Variants in SH3GL3 observed in about 807,000 individuals in gnomAD.
The protein encoded by SH3GL3 is endophilin-A3.
SH3GL3 carries 33 observed loss-of-function variants against 47.7 expected under a neutral mutation model. That is an observed-to-expected ratio of 0.69 (90% CI 0.52 to 0.92). The LOEUF is 0.92. Among genes scored for constraint, SH3GL3 ranks in the 40% least tolerant of loss-of-function variants. The pLI is 0.00. For synonymous variants in SH3GL3, 155 were observed against 148.8 expected (o/e 1.04, Z -0.30); for missense variants, 363 against 417.8 (o/e 0.87, Z 1.14).
rs556339318 is a variant in SH3GL3 at position 83,565,369 on chromosome 15, C to T, written c.187+163C>T. 221 of 618,780 alleles carry T rather than the reference C, an allele frequency of 3.6e-4. 1 individual carries two copies. The highest frequency in any genetic ancestry group is 1.1e-3 in the Middle Eastern group (4 of 3,612). The allele number at this position is 618,780 out of a possible 1,614,324, so 38.3% of individuals were successfully genotyped here. A position where few individuals can be genotyped will look rare whatever the true frequency, so the allele number is the denominator to read the frequency against. On this transcript the variant is annotated intron_variant, in intron 3 of 8. Transcript: ENST00000427482. The stretch of plus-strand genomic sequence containing the variant: ...TCCAGTGACCAAAGGTAGTTGCATT[C>T]GGTCCTACTGATGAGAAAGAGAACA...
chr15:83,586,424 G>A (rs886854275), intron 6 of SH3GL3, among the ~76,000 whole-genome samples: 1 of 152,206 alleles, frequency 6.6e-6, no homozygotes, highest in East Asian at 1.9e-4. Context: ...ATGTTTCAGG[G>A]AAAATATGTT....
intron 8 of SH3GL3, among the ~76,000 whole-genome samples, chr15:83,595,665 C>T (rs998835589): frequency 3.3e-5 from 5 of 149,256 alleles, no homozygotes; most frequent in African/African-American, 7.4e-5. Flanking sequence ...ATAAATTCAA[C>T]GTCTTTATAG....
At chr15:83,553,255 C>T (rs868344504) in intron 1 of SH3GL3, among the ~76,000 whole-genome samples, 38 of 152,322 alleles carry the variant, frequency 2.5e-4, no homozygotes, top group Middle Eastern at 6.8e-3. Context: ...TCTGATATTA[C>T]TGCTGCAGGC....
At chr15:83,456,781 C>A (rs1394420536) in intron 1 of SH3GL3, among the ~76,000 whole-genome samples, 1 of 151,886 alleles carries the variant, frequency 6.6e-6, no homozygotes, top group Non-Finnish European at 1.5e-5. Context: ...GCGTCGCTCA[C>A]GCTGGGAGCT....
intron 1 of SH3GL3, among the ~76,000 whole-genome samples, chr15:83,469,173 A>C (rs1445208422): frequency 6.6e-6 from 1 of 152,114 alleles, no homozygotes; most frequent in Admixed American, 6.6e-5. Context: ...CTATAGTAAT[A>C]TCTCATCTTT....
intron 1 of SH3GL3, among the ~76,000 whole-genome samples, chr15:83,543,768 T>G (rs1161597755): frequency 6.6e-6 from 1 of 152,122 alleles, no homozygotes; most frequent in Non-Finnish European, 1.5e-5. Context: ...TCTAGGAATT[T>G]ATCTGTTTCT....
At chr15:83,552,280 T>A (rs547221534) in intron 1 of SH3GL3, among the ~76,000 whole-genome samples, 1 of 152,356 alleles carries the variant, frequency 6.6e-6, no homozygotes, top group South Asian at 2.1e-4. Context: ...CTTTGAAATG[T>A]ATTTAAGGTT....
chr15:83,576,073 C>T (rs771403644), intron 5 of SH3GL3, among the ~76,000 whole-genome samples: 1 of 152,132 alleles, frequency 6.6e-6, no homozygotes, highest in South Asian at 2.1e-4. Context: ...TCATTAACAG[C>T]GTTTTACGCA....
intron 7 of SH3GL3, among the ~76,000 whole-genome samples, chr15:83,588,158 A>G (rs2060001048): frequency 6.6e-6 from 1 of 152,202 alleles, no homozygotes; most frequent in African/African-American, 2.4e-5. Context: ...TCTGTTGCCC[A>G]GGCTGGAGTG....
chr15:83,531,939 T>G (rs2043693160), intron 1 of SH3GL3, among the ~76,000 whole-genome samples: 1 of 152,114 alleles, frequency 6.6e-6, no homozygotes, highest in African/African-American at 2.4e-5. Flanking sequence ...CTCTGAAGGT[T>G]TTTATTTGGA....
intron 1 of SH3GL3, among the ~76,000 whole-genome samples, chr15:83,510,560 T>C (rs1307145938): frequency 5.9e-5 from 9 of 152,198 alleles, no homozygotes; most frequent in African/African-American, 1.9e-4. Flanking sequence ...AAAGTTGTTA[T>C]TTATTCCCTT....
intron 1 of SH3GL3, among the ~76,000 whole-genome samples, chr15:83,536,011 G>A (rs180943911): frequency 5.9e-5 from 9 of 152,302 alleles, no homozygotes; most frequent in Non-Finnish European, 1.2e-4. Context: ...GGGCCAAATC[G>A]TAGACATCCT....
At chr15:83,503,159 A>G (rs1178548387) in intron 1 of SH3GL3, among the ~76,000 whole-genome samples, 7 of 152,216 alleles carry the variant, frequency 4.6e-5, no homozygotes, top group Non-Finnish European at 1.0e-4. Context: ...ATTATAAAAT[A>G]CAAAAAAAGA....
chr15:83,479,685 T>G lies in SH3GL3; in HGVS notation c.45+32107T>G, dbSNP rs547937185. ...TCCTTTGGTTGGGGGTAAAAAGGCC[T>G]CCAGACTGAAGGTTGCAGGTGTTTG... On this transcript the variant is annotated intron_variant, in intron 1 of 8. Coordinates refer to ENST00000427482, the MANE Select transcript of SH3GL3 (RefSeq NM_003027.5). 1.1e-4 allele frequency among the ~76,000 whole-genome samples: 16 copies of G among 152,242 alleles called. No individual in the cohort carries two copies. In the South Asian group the frequency reaches 3.3e-3, roughly 32 times the overall value.
chr15:83,556,458 G>C (rs2044964751), intron 1 of SH3GL3, among the ~76,000 whole-genome samples: 1 of 152,192 alleles, frequency 6.6e-6, no homozygotes, highest in African/African-American at 2.4e-5. Flanking sequence ...CATGTCACTA[G>C]TTTCTGTTCT....
chr15:83,522,836 C>T (rs1479933898), intron 1 of SH3GL3, among the ~76,000 whole-genome samples: 1 of 152,118 alleles, frequency 6.6e-6, no homozygotes, highest in Non-Finnish European at 1.5e-5. Context: ...AGAGCAAGTT[C>T]AGTTGAAAAC....
intron 1 of SH3GL3, among the ~76,000 whole-genome samples, chr15:83,512,839 C>T (rs1352511178): frequency 2.0e-5 from 3 of 152,170 alleles, no homozygotes; most frequent in African/African-American, 7.2e-5. Context: ...TCTGCATGGA[C>T]CCCTTAGAGT....
chr15:83,450,337 AGT>A (rs1296277639), intron 1 of SH3GL3, among the ~76,000 whole-genome samples: 1 of 152,232 alleles, frequency 6.6e-6, no homozygotes, highest in Non-Finnish European at 1.5e-5. Context: ...TATACATCTC[AGT>A]GCTGAAATTC....
rs751559668 is a variant in SH3GL3, at chr15:83,568,690, C to G, written c.331+18C>G. The G allele has an allele frequency of 1.2e-6, 2 of 1,606,988 alleles. No homozygotes were observed. The highest frequency in any genetic ancestry group is 1.7e-6 in the Non-Finnish European group (2 of 1,174,112). On this transcript the variant is annotated intron_variant, in intron 4 of 8. Transcript: ENST00000427482. ...CACCTTTGGTGAGTTATTCAGAGAT[C>G]AGCTGGGGGAGCTGAGAACTCCTCC... is the stretch of plus-strand genomic sequence containing the variant.
Sources: gnomAD v4.1 joint callset for allele counts (sites outside exome capture counted in the v4.1 genomes callset) on GRCh38, gnomAD v4.1.1 for gene constraint, MANE v1.5 for transcripts, NCBI Gene and HGNC (gene_info 2026-07-23, HGNC 2026-07-21) for gene names.